ADAMTSL1: variants seen among roughly 807,000 people sequenced by gnomAD.
ADAMTSL1 encodes ADAMTS like 1.
ADAMTSL1 carries 126 observed loss-of-function variants against 201.8 expected under a neutral mutation model. The ratio of observed to expected loss-of-function variants is 0.62; its 90% CI spans 0.54 to 0.72. ADAMTSL1 has a LOEUF of 0.72. Ranked by LOEUF, ADAMTSL1 falls within the 30% of genes least tolerant of loss-of-function variation. The pLI, the probability that ADAMTSL1 is intolerant of heterozygous loss-of-function variation, is 0.00. For synonymous variants in ADAMTSL1, 1,121 were observed against 903.4 expected, an observed-to-expected ratio of 1.24 and a Z score of -4.32; for missense variants, 2,679 against 2,277.8, an observed-to-expected ratio of 1.18 and a Z score of -3.59.
chr9:18,406,618 A>G (rs1818220247), intron 2 of ADAMTSL1, among the ~76,000 whole-genome samples: 1 of 152,212 alleles, frequency 6.6e-6, no homozygotes, highest in Admixed American at 6.5e-5. Context: ...GGCGTGAGCC[A>G]CCATGCCCAG....
At chr9:17,936,229 T>G (rs186208137) in intron 1 of ADAMTSL1, among the ~76,000 whole-genome samples, 4 of 152,336 alleles carry the variant, frequency 2.6e-5, no homozygotes, top group Admixed American at 1.3e-4. Flanking sequence ...AGACTTATTA[T>G]GTATCTCCTT....
chr9:18,268,528 GA>G (rs1587433011), intron 2 of ADAMTSL1, among the ~76,000 whole-genome samples: 3 of 152,140 alleles, frequency 2.0e-5, no homozygotes, highest in African/African-American at 7.2e-5. Context: ...ACACATGTGT[GA>G]AGCATTCCCA....
intron 1 of ADAMTSL1, among the ~76,000 whole-genome samples, chr9:18,071,768 A>C (rs1166418655): frequency 6.6e-6 from 1 of 152,214 alleles, no homozygotes; most frequent in Non-Finnish European, 1.5e-5. Flanking sequence ...CTCAGAGTAC[A>C]GCCGGTGAAT....
Position 17,908,331 on chromosome 9 carries a change from A to G in ADAMTSL1, c.87+1409A>G, listed in dbSNP as rs183096909. ...ATTTCCTGCGTTAGGGCCACACCCC[A>G]GCTGGATTACATCAGAATCCTGGAG... On this transcript the variant is annotated intron_variant, in intron 1 of 29. Transcript: ENST00000680146. 5.4e-3 allele frequency among the ~76,000 whole-genome samples: 818 copies of G among 152,324 alleles called. 6 individuals are homozygous for G. Among genetic ancestry groups the G allele is most frequent in the Non-Finnish European group, 8.0e-3 (541 of 68,022 alleles).
intron 1 of ADAMTSL1, among the ~76,000 whole-genome samples, chr9:17,952,792 G>C (rs4415418): frequency 0.54 from 82,395 of 151,542 alleles, 23,069 homozygotes; most frequent in East Asian, 0.92. Context: ...CTCCCAAAGT[G>C]CCGGGCTTAC....
intron 14 of ADAMTSL1, chr9:18,718,344 TC>T (rs1351378824): frequency 5.4e-6 from 4 of 743,148 alleles, no homozygotes; most frequent in South Asian, 2.7e-5. Context: ...TATACATTGT[TC>T]CGTTCCTGCA....
At chr9:18,231,178 C>G (rs571277189) in intron 2 of ADAMTSL1, among the ~76,000 whole-genome samples, 70 of 152,152 alleles carry the variant, frequency 4.6e-4, no homozygotes, top group Admixed American at 2.6e-4. Context: ...AATGCCCACT[C>G]CACCTACTTG....
At chr9:18,241,564 G>A (rs1437117422) in intron 2 of ADAMTSL1, among the ~76,000 whole-genome samples, 2 of 151,806 alleles carry the variant, frequency 1.3e-5, no homozygotes, top group Admixed American at 6.6e-5. Context: ...AAAAAAATTT[G>A]TATTGCACAT....
At chr9:18,806,387 T>C (rs983701182) in intron 20 of ADAMTSL1, among the ~76,000 whole-genome samples, 1 of 152,210 alleles carries the variant, frequency 6.6e-6, no homozygotes, top group Non-Finnish European at 1.5e-5. Flanking sequence ...ATTATCTAGC[T>C]GTGTGCACAG....
intron 1 of ADAMTSL1, among the ~76,000 whole-genome samples, chr9:18,047,746 TA>T (rs1412200701): frequency 2.0e-5 from 3 of 152,074 alleles, no homozygotes; most frequent in Admixed American, 2.0e-4. Flanking sequence ...CAAAGAAGAA[TA>T]AAAAAATGAT....
chr9:18,390,024 T>G (rs1262360347), intron 2 of ADAMTSL1, among the ~76,000 whole-genome samples: 1 of 152,162 alleles, frequency 6.6e-6, no homozygotes, highest in Non-Finnish European at 1.5e-5. Flanking sequence ...AAATAAATCC[T>G]AAATGAGTAT....
At chr9:18,702,837 A>G (rs1191176663) in intron 13 of ADAMTSL1, among the ~76,000 whole-genome samples, 1 of 150,870 alleles carries the variant, frequency 6.6e-6, no homozygotes, top group Non-Finnish European at 1.5e-5. Flanking sequence ...ATCTTGGCTC[A>G]CTGCAACCTC....
chr9:18,641,525 A>G (rs1477832990), intron 7 of ADAMTSL1, among the ~76,000 whole-genome samples: 1 of 151,942 alleles, frequency 6.6e-6, no homozygotes. Flanking sequence ...CTGGTCCAGA[A>G]CGCTTTTAAT....
chr9:18,610,006 CTTTT>C (rs1404358313), intron 4 of ADAMTSL1, among the ~76,000 whole-genome samples: 1 of 152,176 alleles, frequency 6.6e-6, no homozygotes, highest in African/African-American at 2.4e-5. Context: ...CATGCTGCCT[CTTTT>C]GTGGTTTAGG....
At chr9:18,795,340 T>C (rs1822345774) in intron 19 of ADAMTSL1, 57 bp from the exon 20 acceptor site, 20 of 1,604,110 alleles carry the variant, frequency 1.2e-5, no homozygotes, top group Non-Finnish European at 1.6e-5. Flanking sequence ...CAATATTGAA[T>C]GCCAAAAAGG....
At chr9:18,091,470 T>C (rs1824015171) in intron 1 of ADAMTSL1, among the ~76,000 whole-genome samples, 1 of 152,154 alleles carries the variant, frequency 6.6e-6, no homozygotes, top group Admixed American at 6.6e-5. Flanking sequence ...AATGTGGATT[T>C]AATTTCCCTC....
At chr9:18,567,091 G>A (rs1821951826) in intron 3 of ADAMTSL1, among the ~76,000 whole-genome samples, 2 of 152,234 alleles carry the variant, frequency 1.3e-5, no homozygotes, top group Middle Eastern at 3.4e-3. Flanking sequence ...TCTGGAGGGT[G>A]GGGCCCCAAC....
At chr9:18,620,905 A>C (rs1825996490) in intron 4 of ADAMTSL1, among the ~76,000 whole-genome samples, 1 of 152,222 alleles carries the variant, frequency 6.6e-6, no homozygotes. Context: ...ACATTTTAAA[A>C]ATAGAGTACA....
Position 18,699,035 on chromosome 9 carries a change from T to A in ADAMTSL1, c.1575-7712T>A, listed in dbSNP as rs544108546. 2.6e-5 allele frequency among the ~76,000 whole-genome samples: 4 copies of A among 152,324 alleles called. No individual in the cohort carries two copies. In the South Asian group the frequency reaches 8.3e-4, roughly 32 times the overall value. The stretch of plus-strand genomic sequence containing the variant: ...CCAGGCTTTGAAAGAGCCAGTAGTC[T>A]CTGGATGAATTGGAACTTTCAGAGA... On this transcript the variant is annotated intron_variant, in intron 13 of 28. Coordinates refer to ENST00000380548, the MANE Select transcript of ADAMTSL1 (RefSeq NM_001040272.6).
Sources: gnomAD v4.1 joint callset for allele counts (sites outside exome capture counted in the v4.1 genomes callset) on GRCh38, gnomAD v4.1.1 for gene constraint, MANE v1.5 for transcripts, NCBI Gene and HGNC (gene_info 2026-07-23, HGNC 2026-07-21) for gene names.